ALMS1: variants seen among roughly 807,000 people sequenced by gnomAD.
The protein encoded by ALMS1 is ALMS1 centrosome and basal body associated protein, also known as centrosome-associated protein ALMS1.
Under a neutral mutation model 352.2 loss-of-function variants are expected in ALMS1, and 271 were observed. That is an observed-to-expected ratio of 0.77 (90% CI 0.70 to 0.85). ALMS1 has a LOEUF of 0.85. Ranked by LOEUF, ALMS1 falls within the 40% of genes least tolerant of loss-of-function variation. The pLI, the probability that ALMS1 is intolerant of heterozygous loss-of-function variation, is 0.00. For synonymous variants in ALMS1, 1,865 were observed against 1,761.2 expected (o/e 1.06, Z -1.48); for missense variants, 5,445 against 4,870.7 (o/e 1.12, Z -3.51).
At chr2:73,595,795 TG>T (rs1182124252) in intron 16 of ALMS1, among the ~76,000 whole-genome samples, 5 of 152,238 alleles carry the variant, frequency 3.3e-5, no homozygotes, top group Non-Finnish European at 7.3e-5. Flanking sequence ...TGTCAACACT[TG>T]CTATTGTCCA....
intron 16 of ALMS1, among the ~76,000 whole-genome samples, chr2:73,593,718 A>G (rs995242802): frequency 6.6e-6 from 1 of 152,206 alleles, no homozygotes; most frequent in Non-Finnish European, 1.5e-5. Flanking sequence ...AAAATCCTGT[A>G]AACATTAACA....
In ALMS1 at chr2:73,489,827, G is replaced by T. The variant is rs894166137; in HGVS notation, c.7868G>T (p.Arg2623Ile). Residue 2623 changes from arginine (R) to isoleucine (I), a missense_variant, in exon 10 of 23, where the codon AGA (arginine) becomes ATA (isoleucine). Physicochemically the swap from Arg to Ile is moderately conservative, Grantham distance 97. Coordinates refer to ENST00000613296, the MANE Select transcript of ALMS1 (RefSeq NM_001378454.1). ...GGACGGCAGAACCCATCATCATGCA[G>T]AGCCAAGCATGTCAACCTTTCTGCA... ...TRGRQNPSSC[R>I]AKHVNLSASL... 6.2e-7 allele frequency: 1 copy of T among 1,613,998 alleles called. No homozygotes were observed. Among genetic ancestry groups the T allele is most frequent in the African/African-American group, 1.3e-5 (1 of 74,886 alleles).
intron 12 of ALMS1, among the ~76,000 whole-genome samples, chr2:73,541,536 A>C (rs1203971495): frequency 6.6e-6 from 1 of 152,246 alleles, no homozygotes; most frequent in South Asian, 2.1e-4. Context: ...ACTGAAGGAA[A>C]TAGAGTCACA....
At chr2:73,539,218 C>G (rs1307234063) in intron 12 of ALMS1, among the ~76,000 whole-genome samples, 1 of 152,196 alleles carries the variant, frequency 6.6e-6, no homozygotes, top group Non-Finnish European at 1.5e-5. Flanking sequence ...GCAACATTTG[C>G]TGTTCACCAA....
intron 16 of ALMS1, among the ~76,000 whole-genome samples, chr2:73,584,450 G>A (rs2104141028): frequency 6.6e-6 from 1 of 152,254 alleles, no homozygotes; most frequent in Admixed American, 6.5e-5. Flanking sequence ...ACTGTTAAAT[G>A]TTCAGGAGTG....
chr2:73,461,158 C>A (rs1457749845), intron 9 of ALMS1, among the ~76,000 whole-genome samples: 1 of 152,202 alleles, frequency 6.6e-6, no homozygotes, highest in African/African-American at 2.4e-5. Flanking sequence ...GGTCCCTGAC[C>A]CCCAAGCAGC....
rs45621233 is a variant in ALMS1 at position 73,451,678 on chromosome 2, G to A, written c.5151G>A (p.Lys1717=). The A allele has an allele frequency of 6.2e-7, 1 of 1,614,038 alleles. No homozygotes were observed. Among genetic ancestry groups the A allele is most frequent in the Non-Finnish European group, 8.5e-7 (1 of 1,179,978 alleles). Residue 1717 remains lysine (K), a synonymous_variant, in exon 8 of 23, where the codon AAG becomes AAA. Transcript: ENST00000613296. ...CTAGTTTATACTCATATAGAGAGAA[G>A]CCCATTGTCTTCTACCAACAGGCCC... is the stretch of plus-strand genomic sequence containing the variant. ...VSSSLYSYRE[K]PIVFYQQALP...
intron 1 of ALMS1, among the ~76,000 whole-genome samples, chr2:73,403,893 A>G (rs937118561): frequency 3.9e-5 from 6 of 151,964 alleles, no homozygotes; most frequent in African/African-American, 1.5e-4. Context: ...CTGCGGCTTT[A>G]CTGGGTTTAT....
intron 2 of ALMS1, among the ~76,000 whole-genome samples, chr2:73,412,624 C>T (rs183917943): frequency 3.7e-4 from 56 of 152,068 alleles, no homozygotes; most frequent in Admixed American, 2.6e-3. Flanking sequence ...GTAGAAACCC[C>T]GTCTCTACTA....
At position 73,462,003 on chromosome 2, in the gene ALMS1, A is replaced by G. The variant is rs558330967; in HGVS notation, c.7674+6708A>G. Among the ~76,000 whole-genome samples the G allele has an allele frequency of 1.6e-3, 241 of 152,040 alleles. 2 individuals carry two copies. The highest frequency in any genetic ancestry group is 4.5e-3 in the African/African-American group (185 of 41,276). On this transcript the variant is annotated intron_variant, in intron 9 of 22. Coordinates refer to ENST00000613296, the MANE Select transcript of ALMS1 (RefSeq NM_001378454.1). ...ATTGGTGTACCTGAAAGTGACAGGG[A>G]GAATGGAACCAAGTTGGAAAACACT... is the stretch of plus-strand genomic sequence containing the variant.
At chr2:73,598,411 C>A (rs746754346) in intron 16 of ALMS1, among the ~76,000 whole-genome samples, 9 of 152,186 alleles carry the variant, frequency 5.9e-5, no homozygotes, top group Non-Finnish European at 1.3e-4. Context: ...TACATGTCAT[C>A]AGTGTTCAGC....
rs1323189312 is a variant in ALMS1, at chr2:73,452,447, G to A, written c.5920G>A (p.Ala1974Thr). 6.2e-7 allele frequency: 1 copy of A among 1,614,008 alleles called. No individual in the cohort carries two copies. The highest frequency in any genetic ancestry group is 1.1e-5 in the South Asian group (1 of 91,078). Residue 1974 changes from alanine (A) to threonine (T), a missense_variant, in exon 8 of 23, where the codon GCA (alanine) becomes ACA (threonine). Physicochemically the swap from Ala to Thr is moderately conservative, Grantham distance 58. Transcript: ENST00000613296. ...GAAAGTTTCACCTGTTTCTATACCA[G>A]CAGAGCAGAAGACTGGGATACCAAT... ...ALKVSPVSIPAEQKTGIPIGL... is the reference protein window; with the variant it reads ...ALKVSPVSIPTEQKTGIPIGL...
At chr2:73,567,116 T>C (rs762080662) in intron 15 of ALMS1, among the ~76,000 whole-genome samples, 1 of 152,286 alleles carries the variant, frequency 6.6e-6, no homozygotes, top group African/African-American at 2.4e-5. Context: ...TCATTGGCCA[T>C]TGGTGATTGG....
At chr2:73,527,345 G>T (rs1264279165) in intron 11 of ALMS1, among the ~76,000 whole-genome samples, 1 of 151,734 alleles carries the variant, frequency 6.6e-6, no homozygotes, top group Non-Finnish European at 1.5e-5. Flanking sequence ...AGTAGGATTA[G>T]TATTAGTTCT....
rs575548795 is a variant in ALMS1, at chr2:73,431,458, T to C, written c.1339-740T>C. 3.9e-5 allele frequency among the ~76,000 whole-genome samples: 6 copies of C among 152,328 alleles called. No individual in the cohort carries two copies. In the South Asian group the frequency reaches 6.2e-4, roughly 16 times the overall value. ...AAATAAAGACAATCTAAAAATGATA[T>C]ATATTTTTATGTGAGGGTGCACTGT... On this transcript the variant is annotated intron_variant, in intron 6 of 22. Coordinates refer to ENST00000613296, the MANE Select transcript of ALMS1 (RefSeq NM_001378454.1).
At chr2:73,591,212 A>G (rs1478805441) in intron 16 of ALMS1, among the ~76,000 whole-genome samples, 1 of 152,024 alleles carries the variant, frequency 6.6e-6, no homozygotes, top group Non-Finnish European at 1.5e-5. Context: ...AGATCTTCCA[A>G]CCTCAAGATT....
chr2:73,471,803 A>G (rs1672474178), intron 9 of ALMS1, among the ~76,000 whole-genome samples: 1 of 152,006 alleles, frequency 6.6e-6, no homozygotes, highest in Non-Finnish European at 1.5e-5. Flanking sequence ...GGAAAATAGT[A>G]TGGAGATTCC....
At chr2:73,447,400 A>AAT (rs758064936) in intron 7 of ALMS1, among the ~76,000 whole-genome samples, 26 of 151,936 alleles carry the variant, frequency 1.7e-4, no homozygotes, top group East Asian at 7.7e-4. Flanking sequence ...TATGTACTTA[A>AAT]ATATATATAT....
rs182467018 is a variant in ALMS1 at position 73,540,039 on chromosome 2, C to A, written c.9907+5090C>A. Reference sequence around the variant, plus strand: ...CAGAGAATGCCACAAAGATGCTCCTCGAGAAGAGCAACTCCAAGACACATA... The same window carrying A: ...CAGAGAATGCCACAAAGATGCTCCTAGAGAAGAGCAACTCCAAGACACATA... On this transcript the variant is annotated intron_variant, in intron 12 of 22. Coordinates refer to ENST00000613296, the MANE Select transcript of ALMS1 (RefSeq NM_001378454.1). Among the ~76,000 whole-genome samples, 376 of 152,172 alleles carry A rather than the reference C, an allele frequency of 2.5e-3. 2 individuals carry two copies. The highest frequency in any genetic ancestry group is 8.7e-3 in the African/African-American group (359 of 41,498).
Sources: gnomAD v4.1 joint callset for allele counts (sites outside exome capture counted in the v4.1 genomes callset) on GRCh38, gnomAD v4.1.1 for gene constraint, MANE v1.5 for transcripts, NCBI Gene and HGNC (gene_info 2026-07-23, HGNC 2026-07-21) for gene names.